KBTBD11: variants seen among roughly 807,000 people sequenced by gnomAD.
KBTBD11 encodes the protein kelch repeat and BTB domain containing 11, also known as kelch repeat and BTB domain-containing protein 11.
For synonymous variants in KBTBD11, 747 were observed against 499.0 expected (o/e 1.50, Z -6.63); for missense variants, 1,390 against 1,001.8 (o/e 1.39, Z -5.23).
At chr8:1,997,107 A>G (rs554100257) in intron 1 of KBTBD11, among the ~76,000 whole-genome samples, 1 of 152,196 alleles carries the variant, frequency 6.6e-6, no homozygotes, top group East Asian at 1.9e-4. Flanking sequence ...GTTGACGATC[A>G]CCCAGGGAAA....
rs1421794064 is a variant in KBTBD11 at position 2,004,061 on chromosome 8, CGT to C, written c.*1000_*1001del. ...TGTATATGATGTTTTCAATGTGGATCGTGTAGTTCTGATGAGGGAGATTAATT... is the reference window on the plus strand; with the variant it reads ...TGTATATGATGTTTTCAATGTGGATCGTAGTTCTGATGAGGGAGATTAATT... On this transcript the variant is annotated 3_prime_UTR_variant, in exon 2 of 2. Transcript: ENST00000320248. The C allele has an allele frequency of 6.0e-6, 1 of 166,780 alleles. No individual in the cohort carries two copies. Among genetic ancestry groups the C allele is most frequent in the Non-Finnish European group, 1.5e-5 (1 of 68,106 alleles). The allele number at this position is 166,780 out of a possible 1,614,324, so 10.3% of individuals were successfully genotyped here. A position where few individuals can be genotyped will look rare whatever the true frequency, so the allele number is the denominator to read the frequency against.
At chr8:1,995,606 C>T (rs1173004896) in intron 1 of KBTBD11, among the ~76,000 whole-genome samples, 2 of 152,188 alleles carry the variant, frequency 1.3e-5, no homozygotes, top group African/African-American at 4.8e-5. Flanking sequence ...CTTCTTGCTT[C>T]ACCCACCCTC....
At position 2,005,682 on chromosome 8, in the gene KBTBD11, G is replaced by C. The variant is rs1817552152; in HGVS notation, c.*2618G>C. 1 of 167,092 alleles carries C rather than the reference G, an allele frequency of 6.0e-6. No homozygotes were observed. Among genetic ancestry groups the C allele is most frequent in the African/African-American group, 2.4e-5 (1 of 41,442 alleles). The allele number at this position is 167,092 out of a possible 1,614,324, so 10.4% of individuals were successfully genotyped here. On this transcript the variant is annotated 3_prime_UTR_variant, in exon 2 of 2. Coordinates refer to ENST00000320248, the MANE Select transcript of KBTBD11 (RefSeq NM_014867.3). ...TCCTGGTCATCCACCCATTAAAATAGTTAGATGAGGCTATTGCCTTGATGA... is the reference window on the plus strand; with the variant it reads ...TCCTGGTCATCCACCCATTAAAATACTTAGATGAGGCTATTGCCTTGATGA...
intron 1 of KBTBD11, chr8:1,974,716 C>T (rs1227696291): frequency 1.0e-6 from 1 of 985,276 alleles, no homozygotes; most frequent in Non-Finnish European, 1.2e-6. Context: ...GCAGGGGTCC[C>T]TCCTCTCAGG....
At chr8:1,996,519 C>A (rs543757944) in intron 1 of KBTBD11, among the ~76,000 whole-genome samples, 1 of 152,088 alleles carries the variant, frequency 6.6e-6, no homozygotes, top group South Asian at 2.1e-4. Flanking sequence ...CCACCCACCT[C>A]GGCCTCCCAA....
At position 2,002,849 on chromosome 8, in the gene KBTBD11, T is replaced by G; in HGVS notation, c.1657T>G (p.Phe553Val). 2.1e-6 allele frequency: 3 copies of G among 1,401,022 alleles called. No homozygotes were observed. Among genetic ancestry groups the G allele is most frequent in the Non-Finnish European group, 2.8e-6 (3 of 1,087,516 alleles). The allele number at this position is 1,401,022 out of a possible 1,614,324, so 86.8% of individuals were successfully genotyped here. ...LPGGPTGLQP[F>V]RCAALDGAIY... ...CGGCGGCCCCACGGGCCTGCAGCCC[T>G]TCCGCTGCGCCGCCCTGGACGGCGC... Residue 553 changes from phenylalanine to valine, a missense_variant, in exon 2 of 2, where the codon TTC (phenylalanine) becomes GTC (valine). Transcript: ENST00000320248. This position sits in a 1 kb window ranked among gnomAD's most constrained non-coding sequence, Gnocchi z 4.1.
chr8:1,992,188 A>G (rs1816943845), intron 1 of KBTBD11, among the ~76,000 whole-genome samples: 1 of 152,092 alleles, frequency 6.6e-6, no homozygotes, highest in South Asian at 2.1e-4. Flanking sequence ...CCTGAAGGGG[A>G]GCACGGGTGA....
In KBTBD11 at chr8:2,000,368, G is replaced by C. The variant is rs1040047140; in HGVS notation, c.-825G>C. The C allele has an allele frequency of 2.0e-5, 3 of 152,300 alleles. No individual in the cohort carries two copies. Among genetic ancestry groups the C allele is most frequent in the Non-Finnish European group, 2.9e-5 (2 of 68,096 alleles). The allele number at this position is 152,300 out of a possible 1,614,324, so 9.4% of individuals were successfully genotyped here. A position where few individuals can be genotyped will look rare whatever the true frequency, so the allele number is the denominator to read the frequency against. On this transcript the variant is annotated 5_prime_UTR_variant, in exon 2 of 2. Coordinates refer to ENST00000320248, the MANE Select transcript of KBTBD11 (RefSeq NM_014867.3). ...AGAGGAAGGGTCCTGCCCCGTGAGC[G>C]AGGACAGCCTCCAGGAGCACAGCGG... is the stretch of plus-strand genomic sequence containing the variant.
chr8:1,995,702 G>C (rs1817111380), intron 1 of KBTBD11, among the ~76,000 whole-genome samples: 1 of 152,150 alleles, frequency 6.6e-6, no homozygotes, highest in Non-Finnish European at 1.5e-5. Flanking sequence ...TGTAACAGCA[G>C]TTGAAAGTGA....
intron 1 of KBTBD11, among the ~76,000 whole-genome samples, chr8:1,982,777 G>A (rs903143628): frequency 2.0e-5 from 3 of 148,732 alleles, no homozygotes; most frequent in Admixed American, 6.7e-5. Flanking sequence ...GGATCTCACT[G>A]TGTCACCCAG....
At position 2,004,825 on chromosome 8, in the gene KBTBD11, A is replaced by G. The variant is rs964301439; in HGVS notation, c.*1761A>G. 4 of 167,110 alleles carry G rather than the reference A, an allele frequency of 2.4e-5. No homozygotes were observed. The highest frequency in any genetic ancestry group is 5.9e-5 in the Non-Finnish European group (4 of 68,120). The allele number at this position is 167,110 out of a possible 1,614,324, so 10.4% of individuals were successfully genotyped here. ...AGAAATGGTTGTAGAAACAGTATTT[A>G]CAGCAAAAGGAAACAAATAATGTTC... is the stretch of plus-strand genomic sequence containing the variant. On this transcript the variant is annotated 3_prime_UTR_variant, in exon 2 of 2. Coordinates refer to ENST00000320248, the MANE Select transcript of KBTBD11 (RefSeq NM_014867.3).
Position 2,004,759 on chromosome 8 carries a change from A to G in KBTBD11, c.*1695A>G, listed in dbSNP as rs1011955167. ...ATCTTGGGAAAGAAAAACAGACTTC[A>G]TATCGCCTGACTTGATTGGCCTTTT... On this transcript the variant is annotated 3_prime_UTR_variant, in exon 2 of 2. Transcript: ENST00000320248. 6.0e-6 allele frequency: 1 copy of G among 167,090 alleles called. No homozygotes were observed. Among genetic ancestry groups the G allele is most frequent in the Admixed American group, 6.5e-5 (1 of 15,284 alleles). The allele number at this position is 167,090 out of a possible 1,614,324, so 10.4% of individuals were successfully genotyped here.
intron 1 of KBTBD11, among the ~76,000 whole-genome samples, chr8:1,992,251 GC>G (rs1254225894): frequency 6.6e-6 from 1 of 152,080 alleles, no homozygotes; most frequent in Non-Finnish European, 1.5e-5. Flanking sequence ...TGGCAGCGCT[GC>G]CTGCCTCCCA....
chr8:1,993,306 C>T (rs1003994216), intron 1 of KBTBD11, among the ~76,000 whole-genome samples: 3 of 152,044 alleles, frequency 2.0e-5, no homozygotes, highest in African/African-American at 7.3e-5. Context: ...AGCTAACATG[C>T]ATTCATCCAT....
intron 1 of KBTBD11, among the ~76,000 whole-genome samples, chr8:1,978,549 T>A (rs554661121): frequency 6.6e-6 from 1 of 152,262 alleles, no homozygotes; most frequent in African/African-American, 2.4e-5. Flanking sequence ...TGAGTCAGGG[T>A]CACCACGGAC....
rs765514717 is a variant in KBTBD11 at position 1,993,246 on chromosome 8, C to T, written c.-908-7039C>T. 2.2e-4 allele frequency among the ~76,000 whole-genome samples: 33 copies of T among 152,228 alleles called. No homozygotes were observed. The Middle Eastern group carries it at 0.017, about 78-fold the overall frequency. ...ACAGTCATGAGCCACCATGCCTGGC[C>T]TCTGTGGTTTCATCTGAGTATTTTC... is the stretch of plus-strand genomic sequence containing the variant. On this transcript the variant is annotated intron_variant, in intron 1 of 1. Transcript: ENST00000320248.
chr8:1,976,204 A>C (rs555502757), intron 1 of KBTBD11: 2 of 152,034 alleles, frequency 1.3e-5, no homozygotes, highest in African/African-American at 4.8e-5. Context: ...GTCATTCAGC[A>C]TGTGTTCCCT....
intron 1 of KBTBD11, chr8:1,974,798 A>C: frequency 8.1e-6 from 5 of 617,884 alleles, no homozygotes; most frequent in Non-Finnish European, 8.1e-6. Flanking sequence ...CTACAAAACC[A>C]CGTTTCCCCC....
chr8:1,974,073 G>T, intron 1 of KBTBD11, 138 bp downstream of exon 1: 1 of 574,984 alleles, frequency 1.7e-6, no homozygotes, highest in Non-Finnish European at 2.2e-6. Context: ...AAAAGGGGAG[G>T]CCGGCAGGGG....
Sources: allele counts gnomAD v4.1 joint callset (sites outside exome capture counted in the v4.1 genomes callset), GRCh38; gene constraint gnomAD v4.1.1; non-coding constraint Gnocchi (gnomAD v3.1); transcripts MANE v1.5; gene names NCBI Gene and HGNC (gene_info 2026-07-23, HGNC 2026-07-21).